ARFIP1: variants seen among roughly 807,000 people sequenced by gnomAD.
The protein encoded by ARFIP1 is ARF interacting protein 1.
A neutral mutation model predicts 42.5 loss-of-function variants in ARFIP1; 24 were observed. The ratio of observed to expected loss-of-function variants is 0.57; its 90% confidence interval spans 0.41 to 0.80. The LOEUF (loss-of-function observed/expected upper bound fraction) is 0.80, where lower values mean the gene tolerates loss of function less well. Ranked by LOEUF, ARFIP1 falls within the 30% of genes least tolerant of loss-of-function variation. The probability of loss-of-function intolerance (pLI) is 0.00; values close to 1 mark genes in which losing one functional copy is unlikely to be tolerated. For missense variants in ARFIP1, 354 were observed against 434.0 expected, an observed-to-expected ratio of 0.82 and a Z score of 1.64; for synonymous variants, 141 against 153.7, an observed-to-expected ratio of 0.92 and a Z score of 0.61.
At chr4:152,889,569 G>A (rs1231167192) in intron 8 of ARFIP1, among the ~76,000 whole-genome samples, 5 of 112,804 alleles carry the variant, frequency 4.4e-5, no homozygotes, top group Admixed American at 9.7e-5. Flanking sequence ...ATATTTATGT[G>A]TATATATAAA....
At chr4:152,847,675 CTG>C (rs1159956782) in intron 2 of ARFIP1, among the ~76,000 whole-genome samples, 5 of 151,800 alleles carry the variant, frequency 3.3e-5, no homozygotes, top group Admixed American at 6.6e-5. Flanking sequence ...GATTTGTAAA[CTG>C]TGTGTAGTAT....
intron 2 of ARFIP1, among the ~76,000 whole-genome samples, chr4:152,853,241 A>G (rs1049790396): frequency 6.6e-6 from 1 of 151,768 alleles, no homozygotes. Context: ...TCTCTTTGTC[A>G]TTTATGTGTT....
rs556620985 is a variant in ARFIP1, at chr4:152,812,488, G to A, written c.-9-17137G>A. Among the ~76,000 whole-genome samples the A allele has an allele frequency of 1.5e-4, 23 of 152,290 alleles. No individual in the cohort carries two copies. The South Asian group carries it at 4.6e-3, about 30-fold the overall frequency. ...ATTGTAGGTGTGAGCCGCCCCGTCT[G>A]GCCTTCTCTTCCTTTTAATGTTCCA... On this transcript the variant is annotated intron_variant, in intron 1 of 8. Coordinates refer to ENST00000353617, the MANE Select transcript of ARFIP1 (RefSeq NM_001025595.3).
At chr4:152,885,919 ATG>A (rs1736223063) in intron 7 of ARFIP1, among the ~76,000 whole-genome samples, 1 of 151,980 alleles carries the variant, frequency 6.6e-6, no homozygotes, top group Non-Finnish European at 1.5e-5. Flanking sequence ...TTTTATCTAT[ATG>A]AAGTTTTTGT....
chr4:152,853,905 CT>C (rs36055484), intron 2 of ARFIP1, among the ~76,000 whole-genome samples: 168 of 74,758 alleles, frequency 2.2e-3, no homozygotes, highest in African/African-American at 6.6e-3. Context: ...TTCTGAGATT[CT>C]TTTTTTTTTT....
chr4:152,798,295 A>G (rs1731598438), intron 1 of ARFIP1, among the ~76,000 whole-genome samples: 1 of 152,216 alleles, frequency 6.6e-6, no homozygotes, highest in Admixed American at 6.5e-5. Flanking sequence ...AATGGTGGGC[A>G]TCTTTGCCTT....
chr4:152,854,519 G>C lies in ARFIP1; in HGVS notation c.94-9087G>C, dbSNP rs536860568. ...GGAGAATCATTGTGATCCTTTGGAGGTATTATATTTCCTTGCTTGTTCATG... is the reference window on the plus strand; with the variant it reads ...GGAGAATCATTGTGATCCTTTGGAGCTATTATATTTCCTTGCTTGTTCATG... On this transcript the variant is annotated intron_variant, in intron 2 of 8. Transcript: ENST00000353617. Among the ~76,000 whole-genome samples the C allele has an allele frequency of 2.0e-5, 3 of 152,226 alleles. No homozygotes were observed. In the East Asian group the frequency reaches 5.8e-4, roughly 29 times the overall value.
At position 152,835,107 on chromosome 4, in the gene ARFIP1, A is replaced by T. The variant is rs190733821; in HGVS notation, c.93+5381A>T. 1.6e-3 allele frequency among the ~76,000 whole-genome samples: 246 copies of T among 152,328 alleles called. 2 individuals carry two copies. The highest frequency in any genetic ancestry group is 2.0e-3 in the Non-Finnish European group (136 of 68,034). On this transcript the variant is annotated intron_variant, in intron 2 of 8. Coordinates refer to ENST00000353617, the MANE Select transcript of ARFIP1 (RefSeq NM_001025595.3). ...TAAGGCCTTTTTCCCATTGTCTTGG[A>T]TGTTAGCACATGGCTCCCCTTTAGT...
intron 1 of ARFIP1, among the ~76,000 whole-genome samples, chr4:152,804,025 T>A (rs1035506243): frequency 7.5e-6 from 1 of 132,948 alleles, no homozygotes; most frequent in African/African-American, 2.8e-5. Context: ...ATATTATATA[T>A]AATATAACGT....
chr4:152,819,553 C>T (rs544371707), intron 1 of ARFIP1, among the ~76,000 whole-genome samples: 23 of 152,286 alleles, frequency 1.5e-4, no homozygotes, highest in African/African-American at 5.3e-4. Context: ...TGGGCAGCTA[C>T]ACCCAGAGGA....
intron 1 of ARFIP1, among the ~76,000 whole-genome samples, chr4:152,827,102 A>G (rs140526004): frequency 3.5e-4 from 54 of 152,336 alleles, no homozygotes; most frequent in Non-Finnish European, 6.5e-4. Context: ...TTGCATAACA[A>G]TGTGAATATA....
chr4:152,795,891 G>A (rs1205855008), intron 1 of ARFIP1, among the ~76,000 whole-genome samples: 2 of 74,502 alleles, frequency 2.7e-5, no homozygotes, highest in East Asian at 7.5e-4. Flanking sequence ...CTGATTTTTG[G>A]TCCTTTTTCC....
chr4:152,840,364 A>G (rs1731961302), intron 2 of ARFIP1, among the ~76,000 whole-genome samples: 1 of 152,092 alleles, frequency 6.6e-6, no homozygotes, highest in Admixed American at 6.5e-5. Context: ...ATCCCCCACT[A>G]TTATTGTGTT....
At chr4:152,883,043 G>A (rs1735973373) in intron 7 of ARFIP1, among the ~76,000 whole-genome samples, 163 bp downstream of exon 7, 1 of 152,120 alleles carries the variant, frequency 6.6e-6, no homozygotes, top group Non-Finnish European at 1.5e-5. Flanking sequence ...GAAAGGGAGA[G>A]AACAAGATTC....
At chr4:152,826,767 G>A (rs560874176) in intron 1 of ARFIP1, among the ~76,000 whole-genome samples, 3 of 152,194 alleles carry the variant, frequency 2.0e-5, no homozygotes, top group Admixed American at 1.3e-4. Flanking sequence ...ATAGCTAAAC[G>A]TTTGAAGCAA....
At chr4:152,830,001 C>G (rs1023558750) in intron 2 of ARFIP1, among the ~76,000 whole-genome samples, 1 of 152,014 alleles carries the variant, frequency 6.6e-6, no homozygotes, top group African/African-American at 2.4e-5. Context: ...CTTTATAAGA[C>G]TATTAATTCT....
chr4:152,804,033 C>CAT (rs1271271279), intron 1 of ARFIP1, among the ~76,000 whole-genome samples: 80 of 121,742 alleles, frequency 6.6e-4, no homozygotes, highest in African/African-American at 1.6e-3. Flanking sequence ...TATAATATAA[C>CAT]GTAATATATA....
At chr4:152,807,130 A>G (rs1241831342) in intron 1 of ARFIP1, 1 of 151,882 alleles carries the variant, frequency 6.6e-6, no homozygotes, top group Non-Finnish European at 1.5e-5. Context: ...ATTGCTGAGG[A>G]ATATTTCATT....
intron 5 of ARFIP1, among the ~76,000 whole-genome samples, chr4:152,873,733 T>C (rs1474729102): frequency 1.3e-5 from 2 of 152,212 alleles, no homozygotes; most frequent in African/African-American, 2.4e-5. Flanking sequence ...TCTCTCACAT[T>C]ACTGTAACAG....
Sources: allele counts gnomAD v4.1 joint callset (sites outside exome capture counted in the v4.1 genomes callset), GRCh38; gene constraint gnomAD v4.1.1; transcripts MANE v1.5; gene names NCBI Gene and HGNC (gene_info 2026-07-23, HGNC 2026-07-21).